ANKRD33B: variants seen among roughly 807,000 people sequenced by gnomAD.
ANKRD33B encodes the protein ankyrin repeat domain 33B, also known as ankyrin repeat domain-containing protein 33B.
A neutral mutation model predicts 21.5 loss-of-function variants in ANKRD33B; 6 were observed. That is an observed-to-expected ratio of 0.28 (90% CI 0.15 to 0.55). ANKRD33B has a LOEUF of 0.55. Among genes scored for constraint, ANKRD33B ranks in the 20% least tolerant of loss-of-function variants. The probability of loss-of-function intolerance (pLI) is 0.94; values close to 1 mark genes in which losing one functional copy is unlikely to be tolerated. For synonymous variants in ANKRD33B, 347 were observed against 342.4 expected (o/e 1.01, Z -0.15); for missense variants, 698 against 747.2 (o/e 0.93, Z 0.77).
At chr5:10,648,739 A>G (rs1436430138) in intron 3 of ANKRD33B, among the ~76,000 whole-genome samples, 3 of 152,126 alleles carry the variant, frequency 2.0e-5, no homozygotes, top group Admixed American at 6.5e-5. Flanking sequence ...AGCCTGGGCA[A>G]CAAGAGTGAA....
At chr5:10,635,710 C>T (rs1736841831) in intron 2 of ANKRD33B, among the ~76,000 whole-genome samples, 1 of 152,200 alleles carries the variant, frequency 6.6e-6, no homozygotes, top group East Asian at 1.9e-4. Flanking sequence ...GAAGAGCAAA[C>T]CCACAGGATT....
intron 1 of ANKRD33B, among the ~76,000 whole-genome samples, chr5:10,605,744 G>A (rs1019010495): frequency 6.6e-6 from 1 of 152,046 alleles, no homozygotes. Flanking sequence ...GGCCAGGCTG[G>A]TCTCGAACAT....
At position 10,649,437 on chromosome 5, in the gene ANKRD33B, C is replaced by T. The variant is rs545135211; in HGVS notation, c.809C>T (p.Ala270Val). 2 of 1,535,136 alleles carry T rather than the reference C, an allele frequency of 1.3e-6. No individual in the cohort carries two copies. Among genetic ancestry groups the T allele is most frequent in the African/African-American group, 2.7e-5 (2 of 73,020 alleles). The change falls in exon 4 of 4, where the codon GCG (alanine) becomes GTG (valine). Residue 270 changes from alanine (A) to valine (V), a missense_variant. Physicochemically the swap from Ala to Val is moderately conservative, Grantham distance 64. Coordinates refer to ENST00000296657, the MANE Select transcript of ANKRD33B (RefSeq NM_001164440.2). ...GAGCTGCCGCCGCCCCCTGAAGCGGCGCGGAAGCCCGCGGGCTCCAAGAAC... is the reference window on the plus strand; with the variant it reads ...GAGCTGCCGCCGCCCCCTGAAGCGGTGCGGAAGCCCGCGGGCTCCAAGAAC... ...RPELPPPPEA[A>V]RKPAGSKNCL...
At chr5:10,582,114 T>G (rs1735456200) in intron 1 of ANKRD33B, among the ~76,000 whole-genome samples, 1 of 152,228 alleles carries the variant, frequency 6.6e-6, no homozygotes, top group Admixed American at 6.5e-5. Context: ...CATCTCCTTC[T>G]TAACGTATTC....
At chr5:10,603,111 G>T (rs1341098946) in intron 1 of ANKRD33B, among the ~76,000 whole-genome samples, 1 of 152,070 alleles carries the variant, frequency 6.6e-6, no homozygotes, top group African/African-American at 2.4e-5. Flanking sequence ...ACCGTGCCCG[G>T]CCTGATGGTC....
rs888600321 is a variant in ANKRD33B at position 10,653,447 on chromosome 5, A to C, written c.*3334A>C. On this transcript the variant is annotated 3_prime_UTR_variant, in exon 4 of 4. Coordinates refer to ENST00000296657, the MANE Select transcript of ANKRD33B (RefSeq NM_001164440.2). ...GAGACCAGGGAGGGAAGCCCAGATG[A>C]TGGGGAAACAGAGCCACCTTGAGGG... is the stretch of plus-strand genomic sequence containing the variant. 6.5e-6 allele frequency: 1 copy of C among 152,736 alleles called. No homozygotes were observed. Among genetic ancestry groups the C allele is most frequent in the African/African-American group, 2.4e-5 (1 of 41,434 alleles). 9.5% of individuals were successfully genotyped at this position (152,736 alleles called of 1,614,324 possible).
intron 1 of ANKRD33B, among the ~76,000 whole-genome samples, chr5:10,603,428 A>C (rs1272443963): frequency 2.7e-5 from 4 of 149,702 alleles, no homozygotes; most frequent in African/African-American, 9.9e-5. Context: ...ATGCCAGGTT[A>C]ATTGTTGTAT....
intron 2 of ANKRD33B, among the ~76,000 whole-genome samples, chr5:10,630,805 T>C (rs113791936): frequency 6.7e-6 from 1 of 150,136 alleles, no homozygotes; most frequent in African/African-American, 2.5e-5. Context: ...CCCAGGAGGC[T>C]GAGGTTGCAG....
chr5:10,569,461 T>C (rs941081263), intron 1 of ANKRD33B, among the ~76,000 whole-genome samples: 12 of 151,934 alleles, frequency 7.9e-5, no homozygotes, highest in Non-Finnish European at 1.5e-5. Flanking sequence ...GCAGGCATGG[T>C]GGTGGACGCC....
rs865991923 is a variant in ANKRD33B, at chr5:10,639,101, G to C, written c.637+933G>C. Among the ~76,000 whole-genome samples, 332 of 34,504 alleles carry C rather than the reference G, an allele frequency of 9.6e-3. 2 individuals carry two copies. The highest frequency in any genetic ancestry group is 0.012 in the Non-Finnish European group (181 of 14,622). The allele number at this position is 34,504 out of a possible 152,430, so 22.6% of individuals were successfully genotyped here. A position where few individuals can be genotyped will look rare whatever the true frequency, so the allele number is the denominator to read the frequency against. ...ACGCGGAGTTGCGCGGCGATGTTAG[G>C]CGGTGACGCGGAGTTGCGCGGCGAT... On this transcript the variant is annotated intron_variant, in intron 3 of 3. Coordinates refer to ENST00000296657, the MANE Select transcript of ANKRD33B (RefSeq NM_001164440.2).
Position 10,564,726 on chromosome 5 carries a change from G to A in ANKRD33B, c.259G>A (p.Ala87Thr), listed in dbSNP as rs1735007498. The A allele has an allele frequency of 1.3e-6, 2 of 1,533,322 alleles. No individual in the cohort carries two copies. Among genetic ancestry groups the A allele is most frequent in the East Asian group, 2.4e-5 (1 of 40,854 alleles). The allele number at this position is 1,533,322 out of a possible 1,614,324, so 95.0% of individuals were successfully genotyped here. A position where few individuals can be genotyped will look rare whatever the true frequency, so the allele number is the denominator to read the frequency against. Residue 87 changes from alanine (A) to threonine (T), a missense_variant, in exon 1 of 4, where the codon GCG becomes ACG. Physicochemically the swap from Ala to Thr is moderately conservative, Grantham distance 58 (BLOSUM62 0). Coordinates refer to ENST00000296657, the MANE Select transcript of ANKRD33B (RefSeq NM_001164440.2). Reference sequence around the variant, plus strand: ...CGTCCCGGAAAGCGTCCCGGAGACGGCGACCCTCCTGCGCGCCGCCTGCGC... The same window carrying A: ...CGTCCCGGAAAGCGTCCCGGAGACGACGACCCTCCTGCGCGCCGCCTGCGC... ...EGVPESVPET[A>T]TLLRAACANN...
intron 1 of ANKRD33B, among the ~76,000 whole-genome samples, chr5:10,604,292 A>G (rs1001399228): frequency 1.3e-5 from 2 of 150,226 alleles, no homozygotes; most frequent in African/African-American, 4.9e-5. Context: ...CCTGGGTTCA[A>G]GTGATTCTCC....
At chr5:10,621,060 C>T (rs972613211) in intron 2 of ANKRD33B, among the ~76,000 whole-genome samples, 6 of 152,140 alleles carry the variant, frequency 3.9e-5, no homozygotes, top group African/African-American at 4.8e-5. Flanking sequence ...ACTTCAATAA[C>T]GCCTTTGTTC....
rs1198699661 is a variant in ANKRD33B, at chr5:10,655,814, A to C, written c.*5701A>C. On this transcript the variant is annotated 3_prime_UTR_variant, in exon 4 of 4. Coordinates refer to ENST00000296657, the MANE Select transcript of ANKRD33B (RefSeq NM_001164440.2). ...TGGCAATCGGCGCTCCCCTTTGGAA[A>C]CACCTGGGGGCCCTGTTTCTTCCAG... The C allele has an allele frequency of 6.6e-6, 1 of 152,144 alleles. No homozygotes were observed. The highest frequency in any genetic ancestry group is 1.5e-5 in the Non-Finnish European group (1 of 68,026). The allele number at this position is 152,144 out of a possible 1,614,324, so 9.4% of individuals were successfully genotyped here.
chr5:10,624,754 T>G (rs10062687), intron 2 of ANKRD33B: 90,440 of 456,484 alleles, frequency 0.2, 9,995 homozygotes, highest in Middle Eastern at 0.26. Context: ...GGGCATAGTT[T>G]CCTTAGACAC....
At chr5:10,600,346 C>A (rs1287259301) in intron 1 of ANKRD33B, among the ~76,000 whole-genome samples, 2 of 152,206 alleles carry the variant, frequency 1.3e-5, no homozygotes, top group Non-Finnish European at 2.9e-5. Context: ...ACCCCCTTCA[C>A]AATTTTTTAT....
At chr5:10,630,949 C>G (rs562175884) in intron 2 of ANKRD33B, among the ~76,000 whole-genome samples, 1 of 152,148 alleles carries the variant, frequency 6.6e-6, no homozygotes, top group African/African-American at 2.4e-5. Flanking sequence ...CTGCCTGTCT[C>G]CTCGATTCTT....
At position 10,564,355 on chromosome 5, in the gene ANKRD33B, G is replaced by C. The variant is rs941087415; in HGVS notation, c.-113G>C. 6.6e-6 allele frequency: 5 copies of C among 758,562 alleles called. No homozygotes were observed. The African/African-American group carries it at 9.5e-5, about 14-fold the overall frequency. 47.0% of individuals were successfully genotyped at this position (758,562 alleles called of 1,614,324 possible). ...GGTTTCCGCCGAGCTGGAGCGCGCG[G>C]GCCACGGCTTCTCTGGGGACGCAGA... On this transcript the variant is annotated 5_prime_UTR_variant, in exon 1 of 4. Transcript: ENST00000296657.
intron 1 of ANKRD33B, among the ~76,000 whole-genome samples, chr5:10,608,176 C>G (rs1360964213): frequency 1.4e-5 from 2 of 143,872 alleles, no homozygotes; most frequent in Non-Finnish European, 3.0e-5. Context: ...TGGTGAAACC[C>G]TGTCTCCACT....
Sources: allele counts gnomAD v4.1 joint callset (sites outside exome capture counted in the v4.1 genomes callset), GRCh38; gene constraint gnomAD v4.1.1; transcripts MANE v1.5; gene names NCBI Gene and HGNC (gene_info 2026-07-23, HGNC 2026-07-21).